FTCDNL1: variants seen among roughly 807,000 people sequenced by gnomAD.
FTCDNL1 encodes formiminotransferase cyclodeaminase N-terminal like, also known as formiminotransferase N-terminal subdomain-containing protein.
Under a neutral mutation model 5.9 loss-of-function variants are expected in FTCDNL1, and 11 were observed. That is an observed-to-expected ratio of 1.87 (90% confidence interval 1.18 to 3.10). FTCDNL1 has a LOEUF of 3.10. Ranked by LOEUF, FTCDNL1 falls within the 30% of genes most tolerant of loss-of-function variation. The pLI, the probability that FTCDNL1 is intolerant of heterozygous loss-of-function variation, is 0.00. For missense variants in FTCDNL1, 115 were observed against 65.5 expected, an observed-to-expected ratio of 1.76 and a Z score of -2.61; for synonymous variants, 58 against 24.8, an observed-to-expected ratio of 2.34 and a Z score of -3.99.
chr2:199,784,218 A>G (rs2106336406), intron 3 of FTCDNL1, among the ~76,000 whole-genome samples: 1 of 152,300 alleles, frequency 6.6e-6, no homozygotes, highest in East Asian at 1.9e-4. Context: ...GCTCCAATGT[A>G]TTAAAGACTC....
At chr2:199,716,147 T>A in the FTCDNL1 span, among the ~76,000 whole-genome samples, 2 of 152,008 alleles carry the variant, frequency 1.3e-5, no homozygotes, top group Non-Finnish European at 2.9e-5. Flanking sequence ...TCTTTAAGAT[T>A]GAGCAGCACT....
chr2:199,693,541 G>T, the FTCDNL1 span, among the ~76,000 whole-genome samples: 1 of 152,084 alleles, frequency 6.6e-6, no homozygotes, highest in Non-Finnish European at 1.5e-5. Flanking sequence ...ATTTTAGGAA[G>T]TCTATAATAA....
At chr2:199,726,369 C>A in the FTCDNL1 span, among the ~76,000 whole-genome samples, 1 of 152,252 alleles carries the variant, frequency 6.6e-6, no homozygotes, top group Admixed American at 6.5e-5. Context: ...TATTACCCAC[C>A]TTGTGAAGTC....
At chr2:199,776,948 ATGTGTGTATATGTGTGTGTG>A (rs1285317242) in intron 3 of FTCDNL1, among the ~76,000 whole-genome samples, 1 of 132,348 alleles carries the variant, frequency 7.6e-6, no homozygotes, top group Non-Finnish European at 1.6e-5. Flanking sequence ...ACACACAGAG[ATGTGTGTATATGTGTGTGTG>A]TGTGTGTGTG....
At chr2:199,775,474 C>T (rs141131921) in intron 3 of FTCDNL1, among the ~76,000 whole-genome samples, 5 of 152,258 alleles carry the variant, frequency 3.3e-5, no homozygotes, top group African/African-American at 7.2e-5. Flanking sequence ...GAAGCAACTC[C>T]GTTAAGGCCA....
chr2:199,711,761 T>G, the FTCDNL1 span, among the ~76,000 whole-genome samples: 22 of 152,202 alleles, frequency 1.4e-4, no homozygotes, highest in Admixed American at 1.4e-3. Context: ...GCAATGGAGC[T>G]GTCACCACAC....
At chr2:199,720,012 T>C in the FTCDNL1 span, among the ~76,000 whole-genome samples, 1 of 152,192 alleles carries the variant, frequency 6.6e-6, no homozygotes, top group Non-Finnish European at 1.5e-5. Context: ...TATTTCATTT[T>C]CTGGTAGCTA....
intron 3 of FTCDNL1, among the ~76,000 whole-genome samples, chr2:199,776,964 G>A (rs1365209531): frequency 0.013 from 605 of 47,792 alleles, 9 homozygotes; most frequent in African/African-American, 0.028. Context: ...GTATATGTGT[G>A]TGTGTGTGTG....
At chr2:199,685,302 T>A in the FTCDNL1 span, among the ~76,000 whole-genome samples, 1 of 152,140 alleles carries the variant, frequency 6.6e-6, no homozygotes, top group African/African-American at 2.4e-5. Context: ...GGCAAGAATA[T>A]GACCCAGTGA....
intron 4 of FTCDNL1, among the ~76,000 whole-genome samples, chr2:199,816,199 T>TCTG (rs1470605815): frequency 6.6e-6 from 1 of 152,220 alleles, no homozygotes; most frequent in African/African-American, 2.4e-5. Context: ...ACTTTATTTT[T>TCTG]CTGCTATTAG....
chr2:199,840,823 G>GA (rs2076564893), intron 3 of FTCDNL1, among the ~76,000 whole-genome samples: 1 of 150,562 alleles, frequency 6.6e-6, no homozygotes, highest in African/African-American at 2.4e-5. Flanking sequence ...AAGGAAGGAA[G>GA]AAAAAAGAAA....
chr2:199,840,128 GA>G (rs1310586198), intron 3 of FTCDNL1, among the ~76,000 whole-genome samples: 1 of 152,188 alleles, frequency 6.6e-6, no homozygotes, highest in African/African-American at 2.4e-5. Flanking sequence ...GAGTATTCTA[GA>G]AGATACTTCT....
intron 3 of FTCDNL1, among the ~76,000 whole-genome samples, chr2:199,836,284 C>T (rs942712630): frequency 1.3e-5 from 2 of 152,182 alleles, no homozygotes; most frequent in Non-Finnish European, 2.9e-5. Flanking sequence ...CCCATCTCAG[C>T]TTCCCAAGTA....
At chr2:199,807,041 G>A (rs1160959922), downstream of FTCDNL1, among the ~76,000 whole-genome samples, 1 of 152,202 alleles carries the variant, frequency 6.6e-6, no homozygotes, top group Admixed American at 6.5e-5. Flanking sequence ...GGCACAAACT[G>A]TAGGGCTGCT....
rs1397586276 is a variant in FTCDNL1, at chr2:199,810,954, T to C, written c.*1751A>G. ...AGACTACGATGGTTTGGGGGCTTTGTTGCCTAGCCTGGCTACTCTCATACT... is the reference window on the plus strand; with the variant it reads ...AGACTACGATGGTTTGGGGGCTTTGCTGCCTAGCCTGGCTACTCTCATACT... On this transcript the variant is annotated 3_prime_UTR_variant, in exon 5 of 5. Transcript: ENST00000420128. Among the ~76,000 whole-genome samples the C allele has an allele frequency of 6.6e-6, 1 of 152,206 alleles. No homozygotes were observed. The highest frequency in any genetic ancestry group is 3.2e-3 in the Middle Eastern group (1 of 316).
chr2:199,725,184 G>T, the FTCDNL1 span, among the ~76,000 whole-genome samples: 1 of 151,890 alleles, frequency 6.6e-6, no homozygotes, highest in African/African-American at 2.4e-5. Flanking sequence ...AGTCTGTTTT[G>T]TCAGAAACTA....
At chr2:199,789,642 G>C (rs1189648650) in intron 3 of FTCDNL1, among the ~76,000 whole-genome samples, 1 of 151,996 alleles carries the variant, frequency 6.6e-6, no homozygotes, top group East Asian at 1.9e-4. Flanking sequence ...GCTTGCATAA[G>C]AATTGAAAAT....
chr2:199,699,326 G>A, the FTCDNL1 span, among the ~76,000 whole-genome samples: 99,877 of 151,960 alleles, frequency 0.66, 36,244 homozygotes, highest in South Asian at 0.89. Context: ...AATTATCCAG[G>A]TGTAGTGGTG....
chr2:199,728,528 G>A, the FTCDNL1 span, among the ~76,000 whole-genome samples: 8 of 152,226 alleles, frequency 5.3e-5, no homozygotes, highest in East Asian at 1.9e-4. Flanking sequence ...GATTACAGGC[G>A]TGAGCCACCA....
Sources: gnomAD v4.1 joint callset for allele counts (sites outside exome capture counted in the v4.1 genomes callset) on GRCh38, gnomAD v4.1.1 for gene constraint, MANE v1.5 for transcripts, NCBI Gene and HGNC (gene_info 2026-07-23, HGNC 2026-07-21) for gene names.